The following FGF14 variants were observed in gnomAD, a reference collection of about 807,000 sequenced individuals.
The protein encoded by FGF14 is fibroblast growth factor 14.
Under a neutral mutation model 25.5 loss-of-function variants are expected in FGF14, and 5 were observed. The ratio of observed to expected loss-of-function variants is 0.20; its 90% confidence interval spans 0.10 to 0.41. FGF14 has a LOEUF of 0.41. FGF14 is among the 10% of genes least tolerant of loss of function. FGF14 has a pLI of 1.00. For missense variants in FGF14, 222 were observed against 320.1 expected (o/e 0.69, Z 2.34); for synonymous variants, 138 against 118.3 (o/e 1.17, Z -1.08).
chr13:102,299,996 T>C (rs2054945164), intron 1 of FGF14: 1 of 152,178 alleles, frequency 6.6e-6, no homozygotes, highest in African/African-American at 2.4e-5. Flanking sequence ...ATCATTCGTG[T>C]GTTTGAAATT....
chr13:102,137,467 A>T (rs990100362), intron 1 of FGF14, among the ~76,000 whole-genome samples: 1 of 152,180 alleles, frequency 6.6e-6, no homozygotes, highest in Non-Finnish European at 1.5e-5. Flanking sequence ...CATATGCCTG[A>T]TGTGTCCCAA....
At chr13:101,766,235 T>G (rs7328210) in intron 3 of FGF14, among the ~76,000 whole-genome samples, 65,024 of 151,938 alleles carry the variant, frequency 0.43, 15,026 homozygotes, top group Middle Eastern at 0.52. Context: ...AATTGCATAG[T>G]TCCATCAAGT....
At chr13:101,738,188 AGATT>A in intron 3 of FGF14, among the ~76,000 whole-genome samples, 1 of 152,216 alleles carries the variant, frequency 6.6e-6, no homozygotes, top group African/African-American at 2.4e-5. Flanking sequence ...AGGACATAAT[AGATT>A]AAGAAGCATT....
chr13:101,952,294 C>G (rs1278737465), intron 1 of FGF14, among the ~76,000 whole-genome samples: 3 of 152,090 alleles, frequency 2.0e-5, no homozygotes, highest in African/African-American at 7.2e-5. Flanking sequence ...ACACTATGAT[C>G]ATCAGAAGTT....
chr13:102,056,240 CAG>C (rs1449611155), intron 1 of FGF14, among the ~76,000 whole-genome samples: 3 of 152,210 alleles, frequency 2.0e-5, no homozygotes, highest in African/African-American at 7.2e-5. Context: ...TGGCCCATGA[CAG>C]AAAAATTTGC....
intron 1 of FGF14, among the ~76,000 whole-genome samples, chr13:102,117,782 G>T (rs2140348799): frequency 6.6e-6 from 1 of 152,234 alleles, no homozygotes; most frequent in South Asian, 2.1e-4. Context: ...GGTAAGGACA[G>T]GGAAAAATAA....
At chr13:101,919,576 A>T (rs1419408539), upstream of FGF14, among the ~76,000 whole-genome samples, 1 of 151,670 alleles carries the variant, frequency 6.6e-6, no homozygotes, top group Admixed American at 6.6e-5. Flanking sequence ...GCCCTCTCAG[A>T]GCCCTCCCTT....
At chr13:101,765,275 A>G (rs1012747464) in intron 3 of FGF14, among the ~76,000 whole-genome samples, 26 of 152,216 alleles carry the variant, frequency 1.7e-4, no homozygotes, top group Non-Finnish European at 2.4e-4. Flanking sequence ...ACTACTAAAA[A>G]ACTCACACAT....
At chr13:102,068,976 G>A (rs887364635) in intron 1 of FGF14, among the ~76,000 whole-genome samples, 3 of 152,164 alleles carry the variant, frequency 2.0e-5, no homozygotes, top group Non-Finnish European at 2.9e-5. Context: ...TGTCTAGCTC[G>A]GGATTGTAAA....
intron 1 of FGF14, among the ~76,000 whole-genome samples, chr13:102,045,284 A>T (rs75353067): frequency 6.6e-6 from 1 of 152,250 alleles, no homozygotes; most frequent in Non-Finnish European, 1.5e-5. Context: ...AAAAAAAAAA[A>T]GCTGTAACCA....
intron 1 of FGF14, among the ~76,000 whole-genome samples, chr13:102,052,139 G>T (rs1309719042): frequency 6.6e-6 from 1 of 151,906 alleles, no homozygotes; most frequent in Non-Finnish European, 1.5e-5. Context: ...ATCAACATAA[G>T]AATTTATTTG....
chr13:102,010,785 G>A (rs778970280), intron 1 of FGF14, among the ~76,000 whole-genome samples: 4 of 152,110 alleles, frequency 2.6e-5, no homozygotes, highest in East Asian at 1.9e-4. Context: ...ACTGGCAACC[G>A]GCAAATGGCA....
chr13:101,786,781 T>C (rs2039855351), intron 3 of FGF14, among the ~76,000 whole-genome samples: 1 of 152,188 alleles, frequency 6.6e-6, no homozygotes, highest in Admixed American at 6.5e-5. Context: ...AAGCTTTTCT[T>C]TTTCCAGATC....
chr13:102,108,989 A>G (rs1235364841), intron 1 of FGF14, among the ~76,000 whole-genome samples: 1 of 74,484 alleles, frequency 1.3e-5, no homozygotes, highest in Non-Finnish European at 2.6e-5. Flanking sequence ...GCTTTCAGCT[A>G]GGTTTCATGA....
chr13:101,726,471 C>T (rs2035443770), intron 4 of FGF14, 141 bp downstream of exon 4: 1 of 766,808 alleles, frequency 1.3e-6, no homozygotes, highest in Non-Finnish European at 2.2e-6. Flanking sequence ...AAGTAGGCAC[C>T]TGTGCAACCA....
chr13:101,715,565 A>C lies in FGF14; in HGVS notation c.*7266T>G. 6.2e-7 allele frequency: 1 copy of C among 1,607,476 alleles called. No homozygotes were observed. The highest frequency in any genetic ancestry group is 1.1e-5 in the South Asian group (1 of 90,928). On this transcript the variant is annotated 3_prime_UTR_variant, in exon 5 of 5. Transcript: ENST00000376143. ...TACCTATATGTATTTTATTGCAGGG[A>C]ATGGAATATGTAGCTGTGGAAACTG...
chr13:102,100,491 CA>C (rs2044609326), intron 1 of FGF14, among the ~76,000 whole-genome samples: 1 of 152,214 alleles, frequency 6.6e-6, no homozygotes, highest in Non-Finnish European at 1.5e-5. Context: ...GTCCAGCCAG[CA>C]TGTCAGGTGC....
chr13:101,725,277 G>GT (rs200714136), intron 4 of FGF14, among the ~76,000 whole-genome samples: 30 of 151,684 alleles, frequency 2.0e-4, no homozygotes, highest in African/African-American at 5.3e-4. Flanking sequence ...TCATGGATGT[G>GT]TTTTTTTTGG....
intron 3 of FGF14, among the ~76,000 whole-genome samples, chr13:101,767,874 A>G (rs1323195993): frequency 6.6e-6 from 1 of 152,204 alleles, no homozygotes; most frequent in Non-Finnish European, 1.5e-5. Flanking sequence ...TAAAAATTTT[A>G]AAGTGTGGAT....
Sources: gnomAD v4.1 joint callset for allele counts (sites outside exome capture counted in the v4.1 genomes callset) on GRCh38, gnomAD v4.1.1 for gene constraint, MANE v1.5 for transcripts, NCBI Gene and HGNC (gene_info 2026-07-23, HGNC 2026-07-21) for gene names.